SLC4A8: variants seen among roughly 807,000 people sequenced by gnomAD.
SLC4A8 encodes electroneutral sodium bicarbonate exchanger 1.
Under a neutral mutation model 125.0 loss-of-function variants are expected in SLC4A8, and 40 were observed. That is an observed-to-expected ratio of 0.32 (90% CI 0.25 to 0.42). The LOEUF is 0.42. Among genes scored for constraint, SLC4A8 ranks in the 10% least tolerant of loss-of-function variants. SLC4A8 has a pLI of 1.00. For missense variants in SLC4A8, 863 were observed against 1,355.1 expected (o/e 0.64, Z 5.70); for synonymous variants, 456 against 476.0 (o/e 0.96, Z 0.55).
rs765296904 is a variant in SLC4A8 at position 51,452,237 on chromosome 12, G to A, written c.391G>A (p.Ala131Thr). Residue 131 changes from alanine to threonine, a missense_variant, in exon 4 of 25, where the codon GCT (alanine) becomes ACT (threonine). This residue lies in a region of SLC4A8 where 390 missense variants were observed against 634.4 expected (regional missense o/e 0.61). Coordinates refer to ENST00000453097, the MANE Select transcript of SLC4A8 (RefSeq NM_001039960.3). Reference sequence around the variant, plus strand: ...GATCTGTATGAAAGAGGGAGAAGATGCTGAGTGGAAGGAAACAGCCAGGTG... The same window carrying A: ...GATCTGTATGAAAGAGGGAGAAGATACTGAGTGGAAGGAAACAGCCAGGTG... ...DEICMKEGED[A>T]EWKETARWLK... 6.2e-7 allele frequency: 1 copy of A among 1,614,220 alleles called. No homozygotes were observed. Among genetic ancestry groups the A allele is most frequent in the East Asian group, 2.2e-5 (1 of 44,890 alleles).
At chr12:51,507,001 G>A (rs1029266994) in intron 24 of SLC4A8, among the ~76,000 whole-genome samples, 9 of 151,820 alleles carry the variant, frequency 5.9e-5, no homozygotes, top group Non-Finnish European at 1.0e-4. Context: ...CTAGTCCTTC[G>A]ATTAATTCCT....
At chr12:51,402,494 C>T (rs1215451244) in intron 1 of SLC4A8, among the ~76,000 whole-genome samples, 4 of 152,180 alleles carry the variant, frequency 2.6e-5, no homozygotes, top group African/African-American at 7.2e-5. Flanking sequence ...GGCTAAGGTG[C>T]GTGGATCACC....
intron 22 of SLC4A8, among the ~76,000 whole-genome samples, chr12:51,500,080 GTAT>G (rs1937783120): frequency 6.6e-6 from 1 of 152,182 alleles, no homozygotes; most frequent in African/African-American, 2.4e-5. Context: ...GAGGAATCAA[GTAT>G]GACTCTTAGA....
At chr12:51,459,913 G>A in intron 7 of SLC4A8, 38 bp from the exon 8 acceptor site, 2 of 1,561,586 alleles carry the variant, frequency 1.3e-6, no homozygotes, top group Non-Finnish European at 1.7e-6. Flanking sequence ...TTAAGGTGGT[G>A]GTTCCCAAGT....
intron 2 of SLC4A8, among the ~76,000 whole-genome samples, chr12:51,449,281 C>A (rs570606540): frequency 1.3e-4 from 19 of 151,740 alleles, no homozygotes; most frequent in South Asian, 4.2e-4. Context: ...TACTAAAAAT[C>A]AAAAAAATTA....
chr12:51,481,224 C>T (rs983574928), intron 16 of SLC4A8, among the ~76,000 whole-genome samples: 4 of 152,122 alleles, frequency 2.6e-5, no homozygotes, highest in Non-Finnish European at 4.4e-5. Flanking sequence ...TTTTTAGTGT[C>T]CCCACCCCGT....
At chr12:51,486,163 C>A (rs1300315434) in intron 17 of SLC4A8, among the ~76,000 whole-genome samples, 5 of 152,054 alleles carry the variant, frequency 3.3e-5, no homozygotes, top group African/African-American at 9.7e-5. Context: ...ACTTACTGTT[C>A]TTAATATGTT....
intron 16 of SLC4A8, among the ~76,000 whole-genome samples, chr12:51,482,443 AT>A (rs1477664258): frequency 6.6e-6 from 1 of 152,094 alleles, no homozygotes; most frequent in Non-Finnish European, 1.5e-5. Flanking sequence ...CAGTGGCACA[AT>A]CTCGGCTCAC....
At position 51,452,178 on chromosome 12, in the gene SLC4A8, A is replaced by T. The variant is rs1389476164; in HGVS notation, c.332A>T (p.His111Leu). Residue 111 changes from histidine to leucine, a missense_variant, in exon 4 of 25, where the codon CAT (histidine) becomes CTT (leucine). Physicochemically the swap from His to Leu is moderately conservative, Grantham distance 99. Transcript: ENST00000453097. ...FILGTEEDEE[H>L]VPHELFTELD... The stretch of plus-strand genomic sequence containing the variant: ...CTTGGCACCGAGGAAGATGAAGAGC[A>T]TGTGCCTCATGAGCTGTTTACAGAG... 1 of 1,614,012 alleles carries T rather than the reference A, an allele frequency of 6.2e-7. No individual in the cohort carries two copies. The highest frequency in any genetic ancestry group is 8.5e-7 in the Non-Finnish European group (1 of 1,179,960).
intron 17 of SLC4A8, among the ~76,000 whole-genome samples, chr12:51,487,747 C>T (rs555376413): frequency 6.6e-6 from 1 of 152,294 alleles, no homozygotes; most frequent in South Asian, 2.1e-4. Context: ...CAACTTTAGC[C>T]GTCTTAGGCT....
intron 2 of SLC4A8, among the ~76,000 whole-genome samples, chr12:51,446,957 C>T (rs1413680536): frequency 1.3e-5 from 2 of 152,228 alleles, no homozygotes; most frequent in African/African-American, 4.8e-5. Context: ...AGAGAGATAG[C>T]TGCTTAACTT....
intron 15 of SLC4A8, 198 bp downstream of exon 15, chr12:51,474,645 CTTTTCT>C: frequency 1.1e-6 from 1 of 952,148 alleles, no homozygotes; most frequent in Non-Finnish European, 1.5e-6. Context: ...TTACCCTTCT[CTTTTCT>C]CCCCCCTACA....
chr12:51,495,009 G>C lies in SLC4A8; in HGVS notation c.2834G>C (p.Arg945Pro). The C allele has an allele frequency of 6.2e-7, 1 of 1,614,142 alleles. No homozygotes were observed. The highest frequency in any genetic ancestry group is 8.5e-7 in the Non-Finnish European group (1 of 1,179,996). ...CACCAGCCAGATTTCATCTACCTGC[G>C]GCATGTGCCGCTGCGCAAAGTGCAC... is the stretch of plus-strand genomic sequence containing the variant. The part of the protein sequence containing the change: ...AKHQPDFIYL[R>P]HVPLRKVHLF... Residue 945 changes from arginine (R) to proline (P), a missense_variant, in exon 21 of 25, where the codon CGG becomes CCG. By Grantham distance (103) the Arg-to-Pro change is moderately radical. Transcript: ENST00000453097.
chr12:51,462,264 T>C (rs767609825), intron 9 of SLC4A8, 46 bp from the exon 10 acceptor site: 2 of 1,564,382 alleles, frequency 1.3e-6, no homozygotes, highest in Admixed American at 1.7e-5. Context: ...GATTGTTTCA[T>C]GTAAAGTTAC....
At chr12:51,452,717 C>T (rs1241511032) in intron 4 of SLC4A8, among the ~76,000 whole-genome samples, 1 of 152,200 alleles carries the variant, frequency 6.6e-6, no homozygotes, top group Non-Finnish European at 1.5e-5. Context: ...TGGGACAATT[C>T]AAGCTATCTA....
chr12:51,477,267 T>G (rs1950884707), intron 16 of SLC4A8, among the ~76,000 whole-genome samples: 1 of 152,264 alleles, frequency 6.6e-6, no homozygotes, highest in African/African-American at 2.4e-5. Context: ...TAATATGATT[T>G]TGTGAATGTG....
intron 22 of SLC4A8, chr12:51,502,015 G>A (rs1055199152): frequency 6.6e-6 from 1 of 152,084 alleles, no homozygotes; most frequent in Non-Finnish European, 1.5e-5. Flanking sequence ...TAACACCCAG[G>A]CTGAGAGTCA....
At position 51,475,618 on chromosome 12, in the gene SLC4A8, G is replaced by A. The variant is rs11169850; in HGVS notation, c.2172+412G>A. Among the ~76,000 whole-genome samples the A allele has an allele frequency of 4.0e-3, 610 of 152,308 alleles. 2 individuals carry two copies. The highest frequency in any genetic ancestry group is 7.1e-3 in the Non-Finnish European group (483 of 68,034). On this transcript the variant is annotated intron_variant, in intron 16 of 24. Transcript: ENST00000453097. ...GACCCAAAAATCTTCTCCCAGGGATGGCTTTTTTAATAGCTTATGAAATCA... is the reference window on the plus strand; with the variant it reads ...GACCCAAAAATCTTCTCCCAGGGATAGCTTTTTTAATAGCTTATGAAATCA...
At chr12:51,496,853 G>A (rs1951473615) in intron 21 of SLC4A8, 134 bp from the exon 22 acceptor site, 2 of 789,748 alleles carry the variant, frequency 2.5e-6, no homozygotes, top group Admixed American at 2.7e-5. Context: ...TTCAATAAAT[G>A]GTGACTGTTA....
Sources: gnomAD v4.1 joint callset for allele counts (sites outside exome capture counted in the v4.1 genomes callset) on GRCh38, gnomAD v4.1.1 for gene constraint, gnomAD v4.1.1 regional missense constraint, MANE v1.5 for transcripts, NCBI Gene and HGNC (gene_info 2026-07-23, HGNC 2026-07-21) for gene names.